Variants in TMOD1 observed in about 807,000 individuals in gnomAD.
TMOD1 encodes tropomodulin 1.
A neutral mutation model predicts 40.6 loss-of-function variants in TMOD1; 17 were observed. The observed-to-expected ratio is 0.42, with a 90% CI of 0.29 to 0.63. TMOD1 has a LOEUF of 0.63. Ranked by LOEUF, TMOD1 falls within the 20% of genes least tolerant of loss-of-function variation. The pLI is 0.22. For synonymous variants in TMOD1, 181 were observed against 175.0 expected, an observed-to-expected ratio of 1.03 and a Z score of -0.27; for missense variants, 391 against 447.6, an observed-to-expected ratio of 0.87 and a Z score of 1.14.
chr9:97,523,062 T>A (rs1436406367), intron 1 of TMOD1, among the ~76,000 whole-genome samples: 1 of 152,002 alleles, frequency 6.6e-6, no homozygotes, highest in East Asian at 1.9e-4. Context: ...ATCCCTTAGT[T>A]TTTTCACTAA....
intron 1 of TMOD1, 68 bp from the exon 2 acceptor site, chr9:97,524,073 G>A: frequency 1.7e-6 from 2 of 1,212,122 alleles, no homozygotes; most frequent in Non-Finnish European, 2.3e-6. Flanking sequence ...TGTGAACGAT[G>A]AGCCTCCATT....
chr9:97,582,441 C>G (rs1040563558), intron 8 of TMOD1, among the ~76,000 whole-genome samples: 9 of 147,876 alleles, frequency 6.1e-5, no homozygotes, highest in African/African-American at 2.0e-4. Context: ...TGTGATGCCT[C>G]CAGCTTTGTT....
intron 2 of TMOD1, among the ~76,000 whole-genome samples, chr9:97,533,140 T>C (rs979118916): frequency 3.3e-4 from 51 of 152,258 alleles, no homozygotes; most frequent in African/African-American, 1.2e-3. Flanking sequence ...GCTGACAGCT[T>C]ATTTAAATGC....
At chr9:97,573,742 G>A (rs1324297643) in intron 8 of TMOD1, among the ~76,000 whole-genome samples, 1 of 152,124 alleles carries the variant, frequency 6.6e-6, no homozygotes, top group African/African-American at 2.4e-5. Flanking sequence ...CTGTTGGAGT[G>A]TCCTCACAAT....
At chr9:97,576,271 T>A (rs1830937648) in intron 8 of TMOD1, among the ~76,000 whole-genome samples, 1 of 151,830 alleles carries the variant, frequency 6.6e-6, no homozygotes, top group Non-Finnish European at 1.5e-5. Flanking sequence ...CAAGACCCCA[T>A]CTCTGTAAAA....
chr9:97,573,713 G>A (rs1206849264), intron 8 of TMOD1, among the ~76,000 whole-genome samples: 2 of 152,158 alleles, frequency 1.3e-5, no homozygotes, highest in African/African-American at 4.8e-5. Flanking sequence ...GCACCTTACC[G>A]TGTGCACCCG....
At chr9:97,584,762 TC>T (rs1825832901) in intron 8 of TMOD1, among the ~76,000 whole-genome samples, 1 of 152,214 alleles carries the variant, frequency 6.6e-6, no homozygotes, top group South Asian at 2.1e-4. Context: ...GTAATGGCCT[TC>T]TTTGTCTCTT....
chr9:97,584,752 G>A (rs1337555342), intron 8 of TMOD1, among the ~76,000 whole-genome samples: 1 of 152,140 alleles, frequency 6.6e-6, no homozygotes, highest in Non-Finnish European at 1.5e-5. Flanking sequence ...TTACCATTAT[G>A]TAATGGCCTT....
At chr9:97,564,507 A>G (rs1830696044) in intron 6 of TMOD1, among the ~76,000 whole-genome samples, 1 of 152,164 alleles carries the variant, frequency 6.6e-6, no homozygotes, top group South Asian at 2.1e-4. Context: ...AGTCAGACAC[A>G]CGCTGCTGCA....
At chr9:97,582,259 C>A (rs1476092618) in intron 8 of TMOD1, among the ~76,000 whole-genome samples, 1 of 146,086 alleles carries the variant, frequency 6.8e-6, no homozygotes, top group Non-Finnish European at 1.5e-5. Context: ...AATAGGGAAT[C>A]CTTTCCCCAT....
intron 8 of TMOD1, among the ~76,000 whole-genome samples, chr9:97,590,840 T>G (rs1825985622): frequency 1.3e-5 from 2 of 152,180 alleles, no homozygotes; most frequent in Non-Finnish European, 2.9e-5. Context: ...GTTATCAGAC[T>G]TGGGTGCATA....
chr9:97,514,188 A>C (rs1207806612), intron 1 of TMOD1, among the ~76,000 whole-genome samples: 2 of 145,076 alleles, frequency 1.4e-5, no homozygotes, highest in Non-Finnish European at 3.0e-5. Flanking sequence ...CAGCCTCCCG[A>C]GTAGCTTGGA....
intron 8 of TMOD1, among the ~76,000 whole-genome samples, chr9:97,571,943 G>A (rs1207208234): frequency 6.6e-6 from 1 of 152,194 alleles, no homozygotes; most frequent in Non-Finnish European, 1.5e-5. Flanking sequence ...GCTGTGTGCA[G>A]GACTGAGGCT....
At chr9:97,563,513 A>T (rs968034639) in intron 5 of TMOD1, among the ~76,000 whole-genome samples, 1 of 152,144 alleles carries the variant, frequency 6.6e-6, no homozygotes, top group Non-Finnish European at 1.5e-5. Flanking sequence ...TATCATCCAC[A>T]TGGATCTGTT....
intron 9 of TMOD1, among the ~76,000 whole-genome samples, chr9:97,593,027 A>C (rs1826033611): frequency 6.6e-6 from 1 of 152,232 alleles, no homozygotes; most frequent in Non-Finnish European, 1.5e-5. Flanking sequence ...TGGTTGGAGA[A>C]GGCCAGCAGC....
At chr9:97,581,771 T>G (rs917182343) in intron 8 of TMOD1, among the ~76,000 whole-genome samples, 10 of 151,994 alleles carry the variant, frequency 6.6e-5, no homozygotes, top group Non-Finnish European at 1.5e-4. Context: ...TTTCATGTGT[T>G]TTTTGGCTAC....
intron 8 of TMOD1, among the ~76,000 whole-genome samples, chr9:97,583,987 T>G (rs368006513): frequency 4.6e-5 from 7 of 151,972 alleles, no homozygotes; most frequent in African/African-American, 7.3e-5. Flanking sequence ...AGGGTTTTTT[T>G]TGTCTCTATT....
At chr9:97,546,103 T>C in intron 2 of TMOD1, 82 bp from the exon 3 acceptor site, 1 of 1,476,560 alleles carries the variant, frequency 6.8e-7, no homozygotes, top group South Asian at 1.4e-5. Flanking sequence ...TCTGGAGAAG[T>C]GCAAGTCTTC....
chr9:97,504,080 C>T (rs1341866642), intron 1 of TMOD1, among the ~76,000 whole-genome samples: 9 of 152,184 alleles, frequency 5.9e-5, no homozygotes, highest in African/African-American at 2.2e-4. Flanking sequence ...GTGACTTAGA[C>T]CAGGGTATTG....
Sources: gnomAD v4.1 joint callset for allele counts (sites outside exome capture counted in the v4.1 genomes callset) on GRCh38, gnomAD v4.1.1 for gene constraint, MANE v1.5 for transcripts, NCBI Gene and HGNC (gene_info 2026-07-23, HGNC 2026-07-21) for gene names.